The following CHRM3 variants were observed in gnomAD, a reference collection of about 807,000 sequenced individuals.
CHRM3 encodes the protein muscarinic acetylcholine receptor M3.
In CHRM3, 11 loss-of-function variants were observed where a neutral mutation model predicts 41.8. That is an observed-to-expected ratio of 0.26 (90% CI 0.17 to 0.44). The LOEUF (loss-of-function observed/expected upper bound fraction) is 0.44, where lower values mean the gene tolerates loss of function less well. Among genes scored for constraint, CHRM3 ranks in the 20% least tolerant of loss-of-function variants. CHRM3 has a pLI of 1.00. For missense variants in CHRM3, 571 were observed against 745.4 expected (o/e 0.77, Z 2.72); for synonymous variants, 297 against 301.4 (o/e 0.99, Z 0.15).
chr1:239,708,550 ACT>A (rs1316832808), intron 5 of CHRM3, among the ~76,000 whole-genome samples: 1 of 151,768 alleles, frequency 6.6e-6, no homozygotes, highest in Non-Finnish European at 1.5e-5. Flanking sequence ...CACCCCTGGG[ACT>A]CTCTAAACCC....
intron 6 of CHRM3, among the ~76,000 whole-genome samples, chr1:239,867,934 A>C (rs1676253353): frequency 1.3e-5 from 2 of 152,142 alleles, no homozygotes; most frequent in Admixed American, 1.3e-4. Flanking sequence ...GATCAGTATC[A>C]GTGTTGTTTC....
At chr1:239,401,877 C>T (rs1489007931) in intron 1 of CHRM3, among the ~76,000 whole-genome samples, 2 of 152,216 alleles carry the variant, frequency 1.3e-5, no homozygotes, top group African/African-American at 4.8e-5. Context: ...GGTTGAATGC[C>T]ACACCCAAAG....
At chr1:239,465,542 T>C (rs1293910518) in intron 1 of CHRM3, among the ~76,000 whole-genome samples, 1 of 152,158 alleles carries the variant, frequency 6.6e-6, no homozygotes, top group Non-Finnish European at 1.5e-5. Context: ...GTTTGCTCTT[T>C]AGTTTCTCTG....
At chr1:239,465,723 T>C (rs1286493720) in intron 1 of CHRM3, among the ~76,000 whole-genome samples, 4 of 152,182 alleles carry the variant, frequency 2.6e-5, no homozygotes. Flanking sequence ...AACTTTTGAG[T>C]CTGAGTGCTA....
At chr1:239,657,874 A>C (rs112588705) in intron 4 of CHRM3, among the ~76,000 whole-genome samples, 1,943 of 152,220 alleles carry the variant, frequency 0.013, 55 homozygotes, top group African/African-American at 0.045. Flanking sequence ...GTATAACTAC[A>C]TCATTCTTCA....
At chr1:239,724,046 A>C (rs2148361534) in intron 5 of CHRM3, among the ~76,000 whole-genome samples, 1 of 151,850 alleles carries the variant, frequency 6.6e-6, no homozygotes, top group African/African-American at 2.4e-5. Context: ...TATGCTTAAA[A>C]ACCCACAAAC....
chr1:239,823,023 G>A (rs1361939681), intron 5 of CHRM3, among the ~76,000 whole-genome samples: 1 of 152,106 alleles, frequency 6.6e-6, no homozygotes, highest in Non-Finnish European at 1.5e-5. Flanking sequence ...ATAATGGTTC[G>A]CCAGGTACCC....
At chr1:239,820,676 C>A (rs1328926697) in intron 5 of CHRM3, among the ~76,000 whole-genome samples, 1 of 151,852 alleles carries the variant, frequency 6.6e-6, no homozygotes, top group African/African-American at 2.4e-5. Context: ...TTTGTGCGCC[C>A]CAGCAACAGG....
intron 5 of CHRM3, among the ~76,000 whole-genome samples, chr1:239,776,673 T>C (rs1668110244): frequency 6.6e-6 from 1 of 152,178 alleles, no homozygotes; most frequent in Admixed American, 6.5e-5. Flanking sequence ...ATACTTGTAT[T>C]AGTCCATTCT....
intron 1 of CHRM3, among the ~76,000 whole-genome samples, chr1:239,445,568 G>C (rs1455438084): frequency 2.0e-5 from 3 of 152,124 alleles, no homozygotes; most frequent in Non-Finnish European, 2.9e-5. Context: ...ATCTTCCAAT[G>C]CTCCTTCATT....
At chr1:239,584,402 G>C (rs1330033263) in intron 3 of CHRM3, among the ~76,000 whole-genome samples, 1 of 151,992 alleles carries the variant, frequency 6.6e-6, no homozygotes, top group Non-Finnish European at 1.5e-5. Context: ...CTGCCACTAT[G>C]CTTTGCCTAG....
chr1:239,842,324 C>A (rs1673880073), intron 6 of CHRM3, among the ~76,000 whole-genome samples: 1 of 151,892 alleles, frequency 6.6e-6, no homozygotes. Context: ...CGGACTCCGC[C>A]TCCCGGTTCA....
chr1:239,458,509 G>A lies in CHRM3; in HGVS notation c.-520-34200G>A, dbSNP rs191685257. The stretch of plus-strand genomic sequence containing the variant: ...CAAAATGGAAGTCCCTACTATCTTA[G>A]TACTAAGCTGATAAATTTAAATGCT... On this transcript the variant is annotated intron_variant, in intron 1 of 6. Coordinates refer to ENST00000676153, the MANE Select transcript of CHRM3 (RefSeq NM_001375978.1). Among the ~76,000 whole-genome samples the A allele has an allele frequency of 3.0e-3, 463 of 152,210 alleles. 4 individuals carry two copies. The highest frequency in any genetic ancestry group is 0.011 in the African/African-American group (451 of 41,532).
At chr1:239,624,670 T>A (rs1419758647) in intron 3 of CHRM3, among the ~76,000 whole-genome samples, 47 of 140,918 alleles carry the variant, frequency 3.3e-4, no homozygotes, top group Middle Eastern at 3.7e-3. Context: ...TTGAATTGAT[T>A]TTTGTATAAG....
chr1:239,875,700 G>A (rs1242464500), intron 6 of CHRM3, among the ~76,000 whole-genome samples: 1 of 152,106 alleles, frequency 6.6e-6, no homozygotes, highest in Non-Finnish European at 1.5e-5. Context: ...CATTCATTTT[G>A]CCCCACATTG....
intron 6 of CHRM3, among the ~76,000 whole-genome samples, chr1:239,861,840 T>C (rs1389955883): frequency 6.6e-6 from 1 of 152,228 alleles, no homozygotes; most frequent in Non-Finnish European, 1.5e-5. Flanking sequence ...ATTAAGCTTA[T>C]CAAATAATAA....
At chr1:239,482,356 G>A (rs1037071291) in intron 1 of CHRM3, among the ~76,000 whole-genome samples, 4 of 152,132 alleles carry the variant, frequency 2.6e-5, no homozygotes, top group East Asian at 3.9e-4. Context: ...GCTCTTTAGG[G>A]GAGAAAAGCA....
At chr1:239,431,603 C>G (rs192129539) in intron 1 of CHRM3, among the ~76,000 whole-genome samples, 2 of 152,190 alleles carry the variant, frequency 1.3e-5, no homozygotes, top group East Asian at 3.9e-4. Context: ...CCCACCTTTC[C>G]GATGCTGTGT....
intron 1 of CHRM3, among the ~76,000 whole-genome samples, chr1:239,486,296 T>C (rs2148032030): frequency 6.6e-6 from 1 of 152,332 alleles, no homozygotes; most frequent in African/African-American, 2.4e-5. Flanking sequence ...GGCTGTGGTC[T>C]GTGCTTTGCT....
Sources: allele counts gnomAD v4.1 joint callset (sites outside exome capture counted in the v4.1 genomes callset), GRCh38; gene constraint gnomAD v4.1.1; transcripts MANE v1.5; gene names NCBI Gene and HGNC (gene_info 2026-07-23, HGNC 2026-07-21).